Variants in HIVEP1 observed in about 807,000 individuals in gnomAD.
HIVEP1 encodes the protein zinc finger protein 40.
Under a neutral mutation model 180.0 loss-of-function variants are expected in HIVEP1, and 36 were observed. The observed-to-expected ratio is 0.20, with a 90% CI of 0.15 to 0.26. HIVEP1 has a LOEUF of 0.26. HIVEP1 is among the 10% of genes least tolerant of loss of function. The pLI, the probability that HIVEP1 is intolerant of heterozygous loss-of-function variation, is 1.00. For missense variants in HIVEP1, 3,143 were observed against 3,268.7 expected (o/e 0.96, Z 0.94); for synonymous variants, 1,239 against 1,239.0 (o/e 1.00, Z 0.00).
At chr6:12,066,244 G>C (rs570594583) in intron 2 of HIVEP1, among the ~76,000 whole-genome samples, 2 of 152,188 alleles carry the variant, frequency 1.3e-5, no homozygotes, top group Non-Finnish European at 2.9e-5. Flanking sequence ...GTGTTTTGCT[G>C]TGTATTTTAC....
At chr6:12,108,840 G>A (rs1774679550) in intron 3 of HIVEP1, among the ~76,000 whole-genome samples, 1 of 152,244 alleles carries the variant, frequency 6.6e-6, no homozygotes. Flanking sequence ...GGCTCCCACA[G>A]TGCAGCGGTG....
At chr6:12,168,896 G>A (rs219960), downstream of HIVEP1, among the ~76,000 whole-genome samples, 10,192 of 151,958 alleles carry the variant, frequency 0.067, 1,133 homozygotes, top group African/African-American at 0.23. Context: ...CTTTTTTGTC[G>A]TTGTTGTTGT....
intron 2 of HIVEP1, among the ~76,000 whole-genome samples, chr6:12,051,028 A>ATATATATATATATATATATG (rs1195272910): frequency 1.5e-5 from 2 of 136,130 alleles, no homozygotes; most frequent in Non-Finnish European, 3.0e-5. Context: ...ATATATATAT[A>ATATATATATATATATATATG]TATGTATATT....
At chr6:12,175,981 G>A in the HIVEP1 span, among the ~76,000 whole-genome samples, 2 of 152,082 alleles carry the variant, frequency 1.3e-5, no homozygotes, top group Non-Finnish European at 2.9e-5. Flanking sequence ...AGGCCTGTCC[G>A]GAGACCAGCA....
chr6:12,190,442 C>T, the HIVEP1 span, among the ~76,000 whole-genome samples: 2 of 152,150 alleles, frequency 1.3e-5, no homozygotes, highest in Non-Finnish European at 2.9e-5. Context: ...CAGTTTCCAA[C>T]TCTATTGACC....
rs1244968978 is a variant in HIVEP1, at chr6:12,125,673, C to G, written c.5878C>G (p.Gln1960Glu). The G allele has an allele frequency of 1.9e-6, 3 of 1,614,174 alleles. No individual in the cohort carries two copies. The highest frequency in any genetic ancestry group is 2.5e-6 in the Non-Finnish European group (3 of 1,180,024). Residue 1960 changes from glutamine (Q) to glutamate (E), a missense_variant, in exon 4 of 9, where the codon CAG (glutamine) becomes GAG (glutamate). Transcript: ENST00000379388. ...QKSLHLPQKDQKTSAYTDWTV... is the reference protein window; with the variant it reads ...QKSLHLPQKDEKTSAYTDWTV... ...GTCGTTGCATTTGCCTCAGAAGGAC[C>G]AGAAAACTTCAGCCTATACTGATTG...
intron 3 of HIVEP1, among the ~76,000 whole-genome samples, chr6:12,093,902 T>G (rs1287647641): frequency 6.6e-6 from 1 of 152,084 alleles, no homozygotes; most frequent in Non-Finnish European, 1.5e-5. Context: ...GCTCATCTAT[T>G]TGAATTTTAG....
At chr6:12,185,850 A>G in the HIVEP1 span, among the ~76,000 whole-genome samples, 1 of 152,320 alleles carries the variant, frequency 6.6e-6, no homozygotes, top group East Asian at 1.9e-4. Flanking sequence ...ATGGAAATGA[A>G]CATGGTATAT....
At chr6:12,011,813 C>A (rs1164340462), upstream of HIVEP1, among the ~76,000 whole-genome samples, 5 of 147,852 alleles carry the variant, frequency 3.4e-5, no homozygotes, top group South Asian at 1.0e-3. Context: ...GGCCCCGGCG[C>A]CTGGGCGTCC....
rs1050065876 is a variant in HIVEP1 at position 12,131,746 on chromosome 6, A to G, written c.6385+804A>G. Among the ~76,000 whole-genome samples the G allele has an allele frequency of 1.5e-4, 21 of 143,202 alleles. No individual in the cohort carries two copies. In the South Asian group the frequency reaches 3.1e-3, roughly 21 times the overall value. The allele number at this position is 143,202 out of a possible 152,430, so 93.9% of individuals were successfully genotyped here. On this transcript the variant is annotated intron_variant, in intron 6 of 8. Coordinates refer to ENST00000379388, the MANE Select transcript of HIVEP1 (RefSeq NM_002114.4). ...ACCAAAGATCTCTCTTTAACAAAGC[A>G]AGGTAATCGTGAAAACATGTCTGAG...
Position 12,055,864 on chromosome 6 carries a change from C to T in HIVEP1, c.41-33320C>T, listed in dbSNP as rs553333540. 3.3e-5 allele frequency among the ~76,000 whole-genome samples: 5 copies of T among 152,316 alleles called. No individual in the cohort carries two copies. In the South Asian group the frequency reaches 8.3e-4, roughly 25 times the overall value. On this transcript the variant is annotated intron_variant, in intron 2 of 8. Transcript: ENST00000379388. ...GTCCATAAAGCCCAAGACAAGTGTT[C>T]TATTAAGCTAGTGCTGTTATAAAGT... is the stretch of plus-strand genomic sequence containing the variant.
At position 12,121,637 on chromosome 6, in the gene HIVEP1, C is replaced by T; in HGVS notation, c.1842C>T (p.Ser614=). The T allele has an allele frequency of 6.2e-7, 1 of 1,614,104 alleles. No individual in the cohort carries two copies. Among genetic ancestry groups the T allele is most frequent in the East Asian group, 2.2e-5 (1 of 44,878 alleles). ...LSANMSQGGV[S]RLETNENSHQ... is the part of the protein sequence containing the mutation. ...CCAACATGTCCCAGGGTGGAGTCTC[C>T]AGGTTGGAGACTAATGAGAATTCCC... Residue 614 remains serine, a synonymous_variant, in exon 4 of 9, where the codon TCC becomes TCT. Transcript: ENST00000379388. This position sits in a 1 kb window ranked among gnomAD's most constrained non-coding sequence, Gnocchi z 5.3.
At chr6:12,208,440 C>T in the HIVEP1 span, among the ~76,000 whole-genome samples, 10 of 152,102 alleles carry the variant, frequency 6.6e-5, no homozygotes, top group East Asian at 1.9e-4. Flanking sequence ...TAACCAGACT[C>T]GCGAAGTAGG....
chr6:12,106,074 A>G (rs1163504754), intron 3 of HIVEP1, among the ~76,000 whole-genome samples: 2 of 151,742 alleles, frequency 1.3e-5, no homozygotes, highest in East Asian at 3.9e-4. Context: ...ACATATATAT[A>G]CACACACACA....
chr6:12,125,228 G>A lies in HIVEP1; in HGVS notation c.5433G>A (p.Val1811=). Residue 1811 remains valine (V), a synonymous_variant, in exon 4 of 9, where the codon GTG becomes GTA. Transcript: ENST00000379388. ...GTACTACAGAGCCCCTGGACGGTGT[G>A]ATGTTGGAAAAGGATGTTTTTTCTC... is the stretch of plus-strand genomic sequence containing the variant. ...QVCTTEPLDG[V]MLEKDVFSQP... 6.2e-7 allele frequency: 1 copy of A among 1,614,180 alleles called. No individual in the cohort carries two copies. The highest frequency in any genetic ancestry group is 8.5e-7 in the Non-Finnish European group (1 of 1,180,036).
intron 2 of HIVEP1, among the ~76,000 whole-genome samples, chr6:12,025,856 A>C (rs1203180450): frequency 1.3e-5 from 2 of 152,188 alleles, no homozygotes; most frequent in Non-Finnish European, 2.9e-5. Context: ...CCTGGCCAAC[A>C]TGGCGAAACC....
intron 2 of HIVEP1, among the ~76,000 whole-genome samples, chr6:12,026,242 G>C (rs149691247): frequency 1.8e-3 from 277 of 152,302 alleles, no homozygotes; most frequent in African/African-American, 6.4e-3. Context: ...TTTCAGGCTA[G>C]TATGTGCAGT....
the HIVEP1 span, among the ~76,000 whole-genome samples, chr6:12,193,887 TC>T: frequency 6.6e-6 from 1 of 152,242 alleles, no homozygotes; most frequent in Admixed American, 6.5e-5. Context: ...GGATTTTAAT[TC>T]TTTTTCATAG....
chr6:12,185,855 G>A, the HIVEP1 span, among the ~76,000 whole-genome samples: 3 of 152,088 alleles, frequency 2.0e-5, no homozygotes, highest in East Asian at 5.8e-4. Context: ...AATGAACATG[G>A]TATATCCACT....
Sources: gnomAD v4.1 joint callset for allele counts (sites outside exome capture counted in the v4.1 genomes callset) on GRCh38, gnomAD v4.1.1 for gene constraint, Gnocchi (gnomAD v3.1) non-coding constraint, MANE v1.5 for transcripts, NCBI Gene and HGNC (gene_info 2026-07-23, HGNC 2026-07-21) for gene names.